Variants in CAPN7 observed in about 807,000 individuals in gnomAD.
CAPN7 encodes the protein calpain-7.
Under a neutral mutation model 115.2 loss-of-function variants are expected in CAPN7, and 72 were observed. The observed-to-expected ratio is 0.63, with a 90% confidence interval of 0.52 to 0.76. The LOEUF (loss-of-function observed/expected upper bound fraction) is 0.76, where lower values mean the gene tolerates loss of function less well. Among genes scored for constraint, CAPN7 ranks in the 30% least tolerant of loss-of-function variants. CAPN7 has a pLI of 0.00. For missense variants in CAPN7, 905 were observed against 971.5 expected, an observed-to-expected ratio of 0.93 and a Z score of 0.91; for synonymous variants, 344 against 322.3, an observed-to-expected ratio of 1.07 and a Z score of -0.72.
At chr3:15,246,853 T>C in intron 18 of CAPN7, 59 bp downstream of exon 18, 2 of 1,229,930 alleles carry the variant, frequency 1.6e-6, no homozygotes, top group Non-Finnish European at 2.3e-6. Context: ...AAATTCCCTT[T>C]CCCATTTCTC....
At chr3:15,227,814 AT>A in intron 6 of CAPN7, 24 bp from the exon 7 acceptor site, 1 of 1,376,514 alleles carries the variant, frequency 7.3e-7, no homozygotes, top group South Asian at 1.6e-5. Context: ...TAATTTTTTT[AT>A]TTTAATTTTT....
At chr3:15,249,006 C>CAAA (rs1460568964) in intron 19 of CAPN7, among the ~76,000 whole-genome samples, 1,442 of 50,530 alleles carry the variant, frequency 0.029, 110 homozygotes, top group African/African-American at 0.13. Flanking sequence ...ATACAACAAC[C>CAAA]AAAAAAAAAA....
intron 6 of CAPN7, among the ~76,000 whole-genome samples, chr3:15,225,712 C>A (rs1209009199): frequency 6.6e-6 from 1 of 152,060 alleles, no homozygotes; most frequent in Non-Finnish European, 1.5e-5. Flanking sequence ...GGACAGAGAC[C>A]ATGTCTGTTT....
At chr3:15,238,206 C>A (rs1320490682) in intron 12 of CAPN7, among the ~76,000 whole-genome samples, 3 of 149,208 alleles carry the variant, frequency 2.0e-5, no homozygotes, top group African/African-American at 7.5e-5. Context: ...CTCCGCCTCC[C>A]AGGTTCATGC....
intron 17 of CAPN7, chr3:15,246,070 C>T (rs1274900461): frequency 6.4e-6 from 1 of 156,894 alleles, no homozygotes; most frequent in African/African-American, 2.4e-5. Context: ...TCCTGGGTAG[C>T]TGGGACTACA....
rs549382644 is a variant in CAPN7, at chr3:15,215,167, G to C, written c.212-2258G>C. On this transcript the variant is annotated intron_variant, in intron 2 of 20. Transcript: ENST00000253693. ...AAACTGGGCACAGTGGTGAGTGCCT[G>C]TAGTTCCAGCCACTTGGGAGGCTAA... Among the ~76,000 whole-genome samples the C allele has an allele frequency of 2.4e-4, 37 of 152,300 alleles. 1 individual carries two copies. In the South Asian group the frequency reaches 7.5e-3, roughly 31 times the overall value.
intron 4 of CAPN7, among the ~76,000 whole-genome samples, chr3:15,219,938 C>T (rs185494173): frequency 7.2e-5 from 11 of 152,276 alleles, no homozygotes; most frequent in South Asian, 2.1e-4. Context: ...CGGTGGCTCA[C>T]GCCTGTAATC....
chr3:15,227,935 A>G lies in CAPN7; in HGVS notation c.822A>G (p.Ile274Met). The G allele has an allele frequency of 1.3e-6, 2 of 1,506,060 alleles. No individual in the cohort carries two copies. The highest frequency in any genetic ancestry group is 1.8e-6 in the Non-Finnish European group (2 of 1,127,742). The allele number at this position is 1,506,060 out of a possible 1,614,324, so 93.3% of individuals were successfully genotyped here. A position where few individuals can be genotyped will look rare whatever the true frequency, so the allele number is the denominator to read the frequency against. Residue 274 changes from isoleucine (I) to methionine (M), a missense_variant, in exon 7 of 21, where the codon ATA becomes ATG. This residue lies in a region of CAPN7 where 620 missense variants were observed against 703.4 expected (regional missense o/e 0.88). Transcript: ENST00000253693. Reference sequence around the variant, plus strand: ...ACCTCACCAACAATCCTACAATGATATATACTGTGTCCAGTTTTAGCATAA... The same window carrying G: ...ACCTCACCAACAATCCTACAATGATGTATACTGTGTCCAGTTTTAGCATAA... The part of the protein sequence containing the change: ...PEDLTNNPTM[I>M]YTVSSFSIKQ...
Position 15,206,472 on chromosome 3 carries a change from G to T in CAPN7, c.-24G>T. ...GTCCTGCGTCAGGGCCTCCTTCCCT[G>T]CCCCGGCGCGGGGCCACTGCGCCAT... is the stretch of plus-strand genomic sequence containing the variant. On this transcript the variant is annotated 5_prime_UTR_variant, in exon 1 of 21. Transcript: ENST00000253693. 2 of 1,528,624 alleles carry T rather than the reference G, an allele frequency of 1.3e-6. No individual in the cohort carries two copies. Among genetic ancestry groups the T allele is most frequent in the East Asian group, 2.5e-5 (1 of 39,424 alleles). The allele number at this position is 1,528,624 out of a possible 1,614,324, so 94.7% of individuals were successfully genotyped here.
At chr3:15,228,637 T>C (rs1694475351) in intron 7 of CAPN7, among the ~76,000 whole-genome samples, 1 of 152,188 alleles carries the variant, frequency 6.6e-6, no homozygotes, top group East Asian at 1.9e-4. Flanking sequence ...ATGTTCTCAC[T>C]GATAAGTGGG....
chr3:15,231,770 C>T (rs1694703448), intron 9 of CAPN7, among the ~76,000 whole-genome samples: 1 of 152,128 alleles, frequency 6.6e-6, no homozygotes, highest in South Asian at 2.1e-4. Flanking sequence ...CCTCATGATC[C>T]TCCCGCCTCG....
intron 12 of CAPN7, among the ~76,000 whole-genome samples, chr3:15,237,972 A>G (rs897871875): frequency 2.0e-5 from 3 of 152,050 alleles, no homozygotes; most frequent in Non-Finnish European, 4.4e-5. Flanking sequence ...CTGCCTCAAA[A>G]AATGTATATT....
In CAPN7 at chr3:15,243,755, A is replaced by G. The variant is rs554945301; in HGVS notation, c.1864+1502A>G. Among the ~76,000 whole-genome samples the G allele has an allele frequency of 5.3e-5, 8 of 151,758 alleles. No homozygotes were observed. The East Asian group carries it at 7.8e-4, about 15-fold the overall frequency. ...AAATGATAAGAACTTACGAACACAA[A>G]GAAGGAAACAACACATACTGAGGTC... On this transcript the variant is annotated intron_variant, in intron 16 of 20. Coordinates refer to ENST00000253693, the MANE Select transcript of CAPN7 (RefSeq NM_014296.3).
chr3:15,210,904 T>C, intron 1 of CAPN7: 1 of 1,270,706 alleles, frequency 7.9e-7, no homozygotes, highest in Non-Finnish European at 1.0e-6. Context: ...GTGTACACGC[T>C]TGGGTTACTG....
At position 15,227,974 on chromosome 3, in the gene CAPN7, T is replaced by C. The variant is rs1026881505; in HGVS notation, c.852+9T>C. On this transcript the variant is annotated intron_variant, in intron 7 of 20. Coordinates refer to ENST00000253693, the MANE Select transcript of CAPN7 (RefSeq NM_014296.3). Reference sequence around the variant, plus strand: ...GTTTTAGCATAAAGCAGGTGAGCATTTATTTTGTATGATTTTATAGAAAAG... The same window carrying C: ...GTTTTAGCATAAAGCAGGTGAGCATCTATTTTGTATGATTTTATAGAAAAG... 3 of 1,421,892 alleles carry C rather than the reference T, an allele frequency of 2.1e-6. No homozygotes were observed. The highest frequency in any genetic ancestry group is 9.2e-7 in the Non-Finnish European group (1 of 1,082,524). The allele number at this position is 1,421,892 out of a possible 1,614,324, so 88.1% of individuals were successfully genotyped here.
chr3:15,210,979 TTCCTGG>T (rs1559383304), intron 1 of CAPN7: 1 of 1,115,016 alleles, frequency 9.0e-7, no homozygotes. Flanking sequence ...ATTGGTAACC[TTCCTGG>T]AATGGTGATG....
rs769166335 is a variant in CAPN7 at position 15,223,484 on chromosome 3, A to G, written c.648A>G (p.Ser216=). The stretch of plus-strand genomic sequence containing the variant: ...TTCTCGTGTTTGATAGGACAACATC[A>G]AAAATAAATGGTATAGAATATGTTC... The part of the protein sequence containing the change: ...AEEIEVLRTT[S]KINGIEYVPF... The change falls in exon 6 of 21, where the codon TCA becomes TCG. Residue 216 remains serine, a synonymous_variant. Transcript: ENST00000253693. The G allele has an allele frequency of 6.2e-7, 1 of 1,606,730 alleles. No individual in the cohort carries two copies. The highest frequency in any genetic ancestry group is 8.5e-7 in the Non-Finnish European group (1 of 1,174,396).
rs114447322 is a variant in CAPN7, at chr3:15,232,570, T to G, written c.1084T>G (p.Ser362Ala). 1.7e-3 allele frequency: 2,811 copies of G among 1,613,064 alleles called. 48 individuals carry two copies. In the African/African-American group the frequency reaches 0.032, roughly 19 times the overall value. The change falls in exon 10 of 21, where the codon TCT (serine) becomes GCT (alanine). Residue 362 changes from serine to alanine, a missense_variant. Ser to Ala is a moderately conservative substitution (Grantham distance 99). Coordinates refer to ENST00000253693, the MANE Select transcript of CAPN7 (RefSeq NM_014296.3). ...TGATCACAAGGGAGAATTGCTCTGT[T>G]CTTATTCCAACAACAAAAGTGAATT... ...PVDHKGELLC[S>A]YSNNKSELWV...
intron 19 of CAPN7, among the ~76,000 whole-genome samples, chr3:15,248,241 G>A (rs1179522971): frequency 6.6e-6 from 1 of 151,856 alleles, no homozygotes; most frequent in Non-Finnish European, 1.5e-5. Context: ...CAATCCAGAT[G>A]GCCAGTAAAC....
Sources: gnomAD v4.1 joint callset for allele counts (sites outside exome capture counted in the v4.1 genomes callset) on GRCh38, gnomAD v4.1.1 for gene constraint, gnomAD v4.1.1 regional missense constraint, MANE v1.5 for transcripts, NCBI Gene and HGNC (gene_info 2026-07-23, HGNC 2026-07-21) for gene names.